Variants in DENND1B observed in about 807,000 individuals in gnomAD.
The protein encoded by DENND1B is DENN domain containing 1B.
DENND1B carries 59 observed loss-of-function variants against 90.1 expected under a neutral mutation model. The ratio of observed to expected loss-of-function variants is 0.65; its 90% confidence interval spans 0.53 to 0.81. The LOEUF (loss-of-function observed/expected upper bound fraction) is 0.81. Ranked by LOEUF, DENND1B falls within the 40% of genes least tolerant of loss-of-function variation. DENND1B has a pLI of 0.00. For missense variants in DENND1B, 862 were observed against 912.6 expected (o/e 0.94, Z 0.71); for synonymous variants, 337 against 324.6 (o/e 1.04, Z -0.41).
At chr1:197,634,524 T>G (rs1679603116) in intron 10 of DENND1B, among the ~76,000 whole-genome samples, 1 of 152,176 alleles carries the variant, frequency 6.6e-6, no homozygotes. Flanking sequence ...CTGTATAGGC[T>G]GAACAAGAGT....
At chr1:197,713,741 A>G (rs1660198937) in intron 3 of DENND1B, among the ~76,000 whole-genome samples, 4 of 94,448 alleles carry the variant, frequency 4.2e-5, no homozygotes, top group African/African-American at 1.7e-4. Context: ...TAATAAAAAA[A>G]AAAAATTAAA....
In DENND1B at chr1:197,506,288, C is replaced by T. The variant is rs929374214; in HGVS notation, c.*4172G>A. 5 of 151,482 alleles carry T rather than the reference C, an allele frequency of 3.3e-5. No homozygotes were observed. The highest frequency in any genetic ancestry group is 1.3e-4 in the Admixed American group (2 of 15,176). 9.4% of individuals were successfully genotyped at this position (151,482 alleles called of 1,614,324 possible). On this transcript the variant is annotated 3_prime_UTR_variant, in exon 23 of 23. Coordinates refer to ENST00000620048, the MANE Select transcript of DENND1B (RefSeq NM_001195215.2). ...ATCAAATCACGTTAACTGACTTGCTCAAAACCACTCTGCCTCTTAAATAAG... is the reference window on the plus strand; with the variant it reads ...ATCAAATCACGTTAACTGACTTGCTTAAAACCACTCTGCCTCTTAAATAAG...
intron 6 of DENND1B, among the ~76,000 whole-genome samples, chr1:197,653,253 A>AT (rs1239734207): frequency 1.3e-5 from 2 of 152,128 alleles, no homozygotes; most frequent in African/African-American, 4.8e-5. Context: ...AACGAAATGT[A>AT]TCAGAGAATA....
At chr1:197,654,142 T>C (rs1324138611) in intron 6 of DENND1B, among the ~76,000 whole-genome samples, 1 of 152,172 alleles carries the variant, frequency 6.6e-6, no homozygotes, top group African/African-American at 2.4e-5. Flanking sequence ...AACTTGCAAT[T>C]ACATTATAAA....
At chr1:197,541,470 T>A (rs1173788686) in intron 18 of DENND1B, among the ~76,000 whole-genome samples, 2 of 152,204 alleles carry the variant, frequency 1.3e-5, no homozygotes, top group African/African-American at 4.8e-5. Context: ...AGCAGAGCCA[T>A]CTTAATGGAA....
At chr1:197,717,832 C>A (rs577952644) in intron 2 of DENND1B, among the ~76,000 whole-genome samples, 2 of 151,906 alleles carry the variant, frequency 1.3e-5, no homozygotes, top group Admixed American at 1.3e-4. Context: ...AAAGAGTATG[C>A]AGTAAAAGAG....
rs1456114893 is a variant in DENND1B, at chr1:197,510,703, C to T, written c.2085G>A (p.Gln695=). The part of the protein sequence containing the change: ...DFQLTSPEVS[Q]TDKGKTEKRE... ...TCTTTTCTGTTTTTCCTTTATCAGT[C>T]TGGGAAACTTCAGGGGAAGTGAGTT... is the stretch of plus-strand genomic sequence containing the variant. Residue 695 remains glutamine (Q), a synonymous_variant, in exon 23 of 23, where the codon CAG becomes CAA. Transcript: ENST00000620048. 6.2e-7 allele frequency: 1 copy of T among 1,612,694 alleles called. No homozygotes were observed. The highest frequency in any genetic ancestry group is 8.5e-7 in the Non-Finnish European group (1 of 1,179,182).
intron 6 of DENND1B, among the ~76,000 whole-genome samples, chr1:197,654,147 T>A (rs1653548623): frequency 6.6e-6 from 1 of 152,146 alleles, no homozygotes; most frequent in East Asian, 1.9e-4. Context: ...GCAATTACAT[T>A]ATAAAAAATT....
chr1:197,751,636 G>A (rs1653526254), intron 2 of DENND1B, among the ~76,000 whole-genome samples: 1 of 152,120 alleles, frequency 6.6e-6, no homozygotes, highest in Admixed American at 6.5e-5. Flanking sequence ...TTGAGGTCAG[G>A]AGTTCGAGAC....
intron 11 of DENND1B, among the ~76,000 whole-genome samples, chr1:197,612,712 A>C (rs1677289035): frequency 6.6e-6 from 1 of 150,728 alleles, no homozygotes. Flanking sequence ...AACACATGAT[A>C]TTTGGAGCAT....
intron 13 of DENND1B, among the ~76,000 whole-genome samples, chr1:197,597,679 C>G (rs556043398): frequency 2.7e-3 from 405 of 151,926 alleles, no homozygotes; most frequent in Non-Finnish European, 4.2e-3. Context: ...CACAATGCCA[C>G]AAGCCATTCC....
At chr1:197,543,686 G>A (rs1670509506) in intron 18 of DENND1B, among the ~76,000 whole-genome samples, 3 of 152,212 alleles carry the variant, frequency 2.0e-5, no homozygotes, top group South Asian at 4.2e-4. Flanking sequence ...GGTTTCTAAG[G>A]GAAAATGATA....
rs1184098992 is a variant in DENND1B, at chr1:197,735,767, G to T, written c.83-20693C>A. On this transcript the variant is annotated intron_variant, in intron 2 of 22. Coordinates refer to ENST00000620048, the MANE Select transcript of DENND1B (RefSeq NM_001195215.2). ...GCGAATCGGCGTACTTTTCCAGGGG[G>T]AATCCTCGGCAGATAAGCTGGACTG... is the stretch of plus-strand genomic sequence containing the variant. 27 of 1,611,524 alleles carry T rather than the reference G, an allele frequency of 1.7e-5. No homozygotes were observed. In the East Asian group the frequency reaches 5.1e-4, roughly 31 times the overall value.
chr1:197,739,280 T>C (rs1662998041), intron 2 of DENND1B, among the ~76,000 whole-genome samples: 1 of 152,178 alleles, frequency 6.6e-6, no homozygotes, highest in South Asian at 2.1e-4. Flanking sequence ...CTACCAAAGC[T>C]TAAAAGCAAG....
rs555358280 is a variant in DENND1B, at chr1:197,738,401, G to A, written c.83-23327C>T. Among the ~76,000 whole-genome samples, 6 of 152,304 alleles carry A rather than the reference G, an allele frequency of 3.9e-5. No individual in the cohort carries two copies. In the South Asian group the frequency reaches 1.2e-3, roughly 32 times the overall value. ...GAACTACATCTTATACCCAGGGTGG[G>A]TTTTCAGTAGTTGCATCCACAATTG... On this transcript the variant is annotated intron_variant, in intron 2 of 22. Transcript: ENST00000620048.
intron 15 of DENND1B, among the ~76,000 whole-genome samples, chr1:197,568,719 C>G (rs1209720723): frequency 6.6e-6 from 1 of 152,070 alleles, no homozygotes; most frequent in Non-Finnish European, 1.5e-5. Context: ...AACTGATCTT[C>G]AACTAAGGTG....
chr1:197,779,401 T>A (rs1169448106), upstream of DENND1B, among the ~76,000 whole-genome samples: 1 of 152,096 alleles, frequency 6.6e-6, no homozygotes, highest in East Asian at 1.9e-4. Flanking sequence ...TAGATTTTTA[T>A]TCATCCATGT....
intron 2 of DENND1B, among the ~76,000 whole-genome samples, chr1:197,742,708 G>C (rs1663330936): frequency 6.6e-6 from 1 of 152,208 alleles, no homozygotes; most frequent in Non-Finnish European, 1.5e-5. Context: ...AAAAACTACA[G>C]TCTTTCTGAG....
chr1:197,601,096 A>G (rs1676166702), intron 13 of DENND1B, among the ~76,000 whole-genome samples: 1 of 151,696 alleles, frequency 6.6e-6, no homozygotes, highest in South Asian at 2.1e-4. Flanking sequence ...GTTCTTTTAT[A>G]ACATTTGTCT....
Sources: gnomAD v4.1 joint callset for allele counts (sites outside exome capture counted in the v4.1 genomes callset) on GRCh38, gnomAD v4.1.1 for gene constraint, MANE v1.5 for transcripts, NCBI Gene and HGNC (gene_info 2026-07-23, HGNC 2026-07-21) for gene names.